Variants in EFCAB6 observed in about 807,000 individuals in gnomAD.
The protein encoded by EFCAB6 is EF-hand calcium binding domain 6, also known as EF-hand calcium-binding domain-containing protein 6.
A neutral mutation model predicts 169.8 loss-of-function variants in EFCAB6; 156 were observed. The observed-to-expected ratio is 0.92, with a 90% CI of 0.81 to 1.05. EFCAB6 has a LOEUF of 1.05. Ranked by LOEUF, EFCAB6 falls within the 50% of genes least tolerant of loss-of-function variation. The pLI is 0.00. For synonymous variants in EFCAB6, 698 were observed against 676.4 expected, an observed-to-expected ratio of 1.03 and a Z score of -0.50; for missense variants, 1,800 against 1,829.1, an observed-to-expected ratio of 0.98 and a Z score of 0.29.
At chr22:43,723,846 G>A (rs1395451342) in intron 8 of EFCAB6, among the ~76,000 whole-genome samples, 3 of 152,210 alleles carry the variant, frequency 2.0e-5, no homozygotes, top group Non-Finnish European at 4.4e-5. Flanking sequence ...GGAATGTGGG[G>A]GCAGAGTCCG....
intron 9 of EFCAB6, among the ~76,000 whole-genome samples, chr22:43,715,839 T>G (rs779642608): frequency 4.6e-5 from 7 of 152,228 alleles, no homozygotes; most frequent in Non-Finnish European, 8.8e-5. Flanking sequence ...AATATGACAG[T>G]GCTCACTTCT....
At chr22:43,735,769 G>T in intron 7 of EFCAB6, 88 bp downstream of exon 7, 1 of 1,483,922 alleles carries the variant, frequency 6.7e-7, no homozygotes. Flanking sequence ...GTGAGAGATG[G>T]ATGGAGCCAA....
chr22:43,535,076 C>A, intron 29 of EFCAB6: 1 of 579,914 alleles, frequency 1.7e-6, no homozygotes. Flanking sequence ...GACCCTGAGT[C>A]CCGCTGGCCC....
chr22:43,561,427 C>G (rs1569159923), intron 26 of EFCAB6, among the ~76,000 whole-genome samples: 1 of 151,804 alleles, frequency 6.6e-6, no homozygotes, highest in Non-Finnish European at 1.5e-5. Context: ...GAAAAATGAT[C>G]ACTGAAAACC....
Position 43,725,325 on chromosome 22 carries a change from G to C in EFCAB6, c.757+6374C>G, listed in dbSNP as rs181797440. ...CCCAGCTAATTTTGTATTTTTAGTA[G>C]AGATGGGGTTTCTCCATGTTAGTCA... On this transcript the variant is annotated intron_variant, in intron 8 of 31. Coordinates refer to ENST00000262726, the MANE Select transcript of EFCAB6 (RefSeq NM_022785.4). 4.5e-3 allele frequency among the ~76,000 whole-genome samples: 679 copies of C among 152,186 alleles called. 3 individuals carry two copies. Among genetic ancestry groups the C allele is most frequent in the African/African-American group, 0.016 (645 of 41,520 alleles).
chr22:43,704,679 T>A (rs2058890469), intron 10 of EFCAB6, among the ~76,000 whole-genome samples: 1 of 152,130 alleles, frequency 6.6e-6, no homozygotes, highest in African/African-American at 2.4e-5. Context: ...TAAGTTGTTA[T>A]CAGCATAAAG....
intron 20 of EFCAB6, among the ~76,000 whole-genome samples, chr22:43,618,169 A>AAGGAAGGAAGGAAG (rs1277847574): frequency 0.018 from 532 of 30,250 alleles, 9 homozygotes; most frequent in Middle Eastern, 0.042. Flanking sequence ...AAGGAAGGAA[A>AAGGAAGGAAGGAAG]GAAAGAAAGA....
At chr22:43,801,427 G>A (rs1482133709) in intron 2 of EFCAB6, among the ~76,000 whole-genome samples, 3 of 152,102 alleles carry the variant, frequency 2.0e-5, no homozygotes, top group Non-Finnish European at 4.4e-5. Flanking sequence ...AGACAAACCT[G>A]GGATACTCTA....
intron 10 of EFCAB6, among the ~76,000 whole-genome samples, chr22:43,701,030 G>A (rs1368625760): frequency 6.6e-6 from 1 of 152,108 alleles, no homozygotes; most frequent in Non-Finnish European, 1.5e-5. Flanking sequence ...ATAAAAGATA[G>A]CCTCGTCCTG....
rs765685604 is a variant in EFCAB6, at chr22:43,534,815, A to G, written c.4106T>C (p.Ile1369Thr). The stretch of plus-strand genomic sequence containing the variant: ...CCCGTTGCTCTTTAAGTCGTATTTT[A>G]TAATGAGCTGCTGACACTCCTCTTT... ...ISKEECQQLIIKYDLKSNGKF... is the reference protein window; with the variant it reads ...ISKEECQQLITKYDLKSNGKF... The change falls in exon 30 of 32, where the codon ATA becomes ACA. Residue 1369 changes from isoleucine to threonine, a missense_variant. Coordinates refer to ENST00000262726, the MANE Select transcript of EFCAB6 (RefSeq NM_022785.4). The G allele has an allele frequency of 6.2e-6, 10 of 1,614,074 alleles. No individual in the cohort carries two copies. Among genetic ancestry groups the G allele is most frequent in the African/African-American group, 1.3e-5 (1 of 75,070 alleles).
intron 2 of EFCAB6, among the ~76,000 whole-genome samples, chr22:43,792,658 C>T (rs2062345922): frequency 1.3e-5 from 2 of 152,258 alleles, no homozygotes; most frequent in South Asian, 4.1e-4. Flanking sequence ...CTTCTTCCCA[C>T]ATCATAGGTG....
chr22:43,703,903 A>G (rs1236635615), intron 10 of EFCAB6, among the ~76,000 whole-genome samples: 1 of 148,926 alleles, frequency 6.7e-6, no homozygotes, highest in African/African-American at 2.4e-5. Context: ...TATACACATA[A>G]TAGAAATTCA....
chr22:43,803,281 C>T (rs2062796852), intron 2 of EFCAB6, among the ~76,000 whole-genome samples: 1 of 152,178 alleles, frequency 6.6e-6, no homozygotes, highest in African/African-American at 2.4e-5. Context: ...GACAAATTCT[C>T]CCATTTTCAT....
At chr22:43,626,770 G>T in intron 19 of EFCAB6, 91 bp from the exon 20 acceptor site, 1 of 1,184,716 alleles carries the variant, frequency 8.4e-7, no homozygotes, top group Non-Finnish European at 1.2e-6. Flanking sequence ...TCATCTCCAC[G>T]CGAGGAGGGG....
At chr22:43,599,987 C>T (rs2052375122) in intron 23 of EFCAB6, 82 bp downstream of exon 23, 2 of 1,411,342 alleles carry the variant, frequency 1.4e-6, no homozygotes, top group South Asian at 1.4e-5. Context: ...TGGGAAGGTA[C>T]CATTTTAAAA....
intron 20 of EFCAB6, among the ~76,000 whole-genome samples, chr22:43,626,001 A>G (rs1438455434): frequency 1.3e-5 from 2 of 152,256 alleles, no homozygotes; most frequent in Non-Finnish European, 2.9e-5. Context: ...CAAAAAGCAT[A>G]TATTTTTGAA....
chr22:43,809,017 A>T lies in EFCAB6; in HGVS notation c.-30T>A, dbSNP rs2063016285. On this transcript the variant is annotated 5_prime_UTR_variant, in exon 2 of 32. In the 5' UTR this introduces an upstream ATG that the reference lacks. Transcript: ENST00000262726. ...TACTATTCAGAAATCTTCAATCTCA[A>T]ATATTCAGTTCAAATGCTAAAGTCC... 2 of 152,210 alleles carry T rather than the reference A, an allele frequency of 1.3e-5. No individual in the cohort carries two copies. The highest frequency in any genetic ancestry group is 4.1e-4 in the South Asian group (2 of 4,822). The allele number at this position is 152,210 out of a possible 1,614,324, so 9.4% of individuals were successfully genotyped here.
chr22:43,627,143 C>T (rs1195164967), intron 19 of EFCAB6, among the ~76,000 whole-genome samples: 2 of 152,176 alleles, frequency 1.3e-5, no homozygotes, highest in Admixed American at 6.5e-5. Flanking sequence ...GCCTCTGTTT[C>T]GATGACCGTG....
chr22:43,567,179 A>G (rs1460460833), intron 26 of EFCAB6, among the ~76,000 whole-genome samples: 2 of 151,738 alleles, frequency 1.3e-5, no homozygotes, highest in African/African-American at 4.8e-5. Context: ...CCAGCTCTCT[A>G]TGCCCTCCTC....
Sources: gnomAD v4.1 joint callset for allele counts (sites outside exome capture counted in the v4.1 genomes callset) on GRCh38, gnomAD v4.1.1 for gene constraint, MANE v1.5 for transcripts, NCBI Gene and HGNC (gene_info 2026-07-23, HGNC 2026-07-21) for gene names.